The following PRKG2 variants were observed in gnomAD, a reference collection of about 807,000 sequenced individuals.
PRKG2 encodes protein kinase cGMP-dependent 2.
PRKG2 carries 33 observed loss-of-function variants against 97.2 expected under a neutral mutation model. That is an observed-to-expected ratio of 0.34 (90% CI 0.26 to 0.45). PRKG2 has a LOEUF of 0.45. Ranked by LOEUF, PRKG2 falls within the 20% of genes least tolerant of loss-of-function variation. PRKG2 has a pLI of 1.00. For missense variants in PRKG2, 638 were observed against 900.0 expected (o/e 0.71, Z 3.73); for synonymous variants, 330 against 321.8 (o/e 1.03, Z -0.27).
intron 14 of PRKG2, among the ~76,000 whole-genome samples, chr4:81,113,878 G>A (rs549182735): frequency 5.3e-5 from 8 of 152,208 alleles, no homozygotes; most frequent in South Asian, 2.1e-4. Flanking sequence ...TGCTACTAAC[G>A]TCCATCCACT....
At chr4:81,144,594 T>TTATA (rs61559089) in intron 9 of PRKG2, among the ~76,000 whole-genome samples, 2,042 of 131,280 alleles carry the variant, frequency 0.016, 65 homozygotes, top group African/African-American at 0.074. Flanking sequence ...GTATTTAAGG[T>TTATA]TATATATATA....
rs1746088989 is a variant in PRKG2, at chr4:81,130,717, TGGCTACG to T, written c.1776+4431_1776+4437del. Reference sequence around the variant, plus strand: ...AATGGAGGAATCTAGAGAGGCAGTCTGGCTACGGTGGTTTTGCTGAGCTGCAGCAGCC... The same window carrying T: ...AATGGAGGAATCTAGAGAGGCAGTCTGTGGTTTTGCTGAGCTGCAGCAGCC... On this transcript the variant is annotated intron_variant, in intron 14 of 18. Transcript: ENST00000264399. Among the ~76,000 whole-genome samples the T allele has an allele frequency of 2.0e-5, 3 of 152,316 alleles. No individual in the cohort carries two copies. The South Asian group carries it at 6.2e-4, about 32-fold the overall frequency.
intron 15 of PRKG2, among the ~76,000 whole-genome samples, chr4:81,109,633 TA>T (rs1743703095): frequency 6.6e-6 from 1 of 152,174 alleles, no homozygotes; most frequent in Non-Finnish European, 1.5e-5. Context: ...AAAATAATCA[TA>T]ATAAAAATGT....
rs981539755 is a variant in PRKG2 at position 81,180,296 on chromosome 4, A to T, written c.462-5337T>A. Among the ~76,000 whole-genome samples, 3 of 152,172 alleles carry T rather than the reference A, an allele frequency of 2.0e-5. No homozygotes were observed. In the East Asian group the frequency reaches 5.8e-4, roughly 29 times the overall value. ...TTAAGCCCAAATATTTTTTATTTAC[A>T]TTGGAGGTAAATATACCAAATACCC... On this transcript the variant is annotated intron_variant, in intron 2 of 18. Transcript: ENST00000264399.
At chr4:81,145,552 C>T (rs756385279) in intron 9 of PRKG2, among the ~76,000 whole-genome samples, 1 of 152,114 alleles carries the variant, frequency 6.6e-6, no homozygotes, top group Non-Finnish European at 1.5e-5. Context: ...TTCTCATAGG[C>T]CTGATCTAAT....
chr4:81,191,426 C>A (rs1204072137), intron 2 of PRKG2, among the ~76,000 whole-genome samples: 1 of 151,696 alleles, frequency 6.6e-6, no homozygotes, highest in East Asian at 1.9e-4. Flanking sequence ...TACACTGGGG[C>A]CTGTCAGGGG....
chr4:81,208,779 T>C (rs1753814037), intron 1 of PRKG2, among the ~76,000 whole-genome samples: 1 of 152,002 alleles, frequency 6.6e-6, no homozygotes, highest in African/African-American at 2.4e-5. Flanking sequence ...CTATCTTCCA[T>C]TGAGAAAAGA....
chr4:81,092,432 C>T lies in PRKG2; in HGVS notation c.2147G>A (p.Trp716Ter). 6.3e-7 allele frequency: 1 copy of T among 1,580,434 alleles called. No individual in the cohort carries two copies. The highest frequency in any genetic ancestry group is 8.6e-7 in the Non-Finnish European group (1 of 1,160,296). ...KKHRWLNGFN[W>*]EGLKARSLPS... ...AAGGCTCCGTGCTTTCAGTCCCTCC[C>T]AATTAAAACCATTTAACCACCTGAG... The change falls in exon 18 of 19, where the codon TGG becomes TAG. Residue 716 changes from tryptophan (W) to a stop codon, truncating the protein, a stop_gained. Coordinates refer to ENST00000264399, the MANE Select transcript of PRKG2 (RefSeq NM_006259.3). LOFTEE classifies it high-confidence loss of function.
intron 14 of PRKG2, among the ~76,000 whole-genome samples, chr4:81,133,816 T>A (rs1746395596): frequency 6.6e-6 from 1 of 151,994 alleles, no homozygotes; most frequent in South Asian, 2.1e-4. Context: ...AAAAAAAGCA[T>A]CTCTATGCCT....
chr4:81,189,350 T>C (rs1443282883), intron 2 of PRKG2, among the ~76,000 whole-genome samples: 3 of 130,330 alleles, frequency 2.3e-5, no homozygotes, highest in Non-Finnish European at 4.5e-5. Flanking sequence ...TATTGCTACA[T>C]CTTCAGAAAT....
chr4:81,169,407 T>C (rs1050952666), intron 5 of PRKG2, among the ~76,000 whole-genome samples: 8 of 152,198 alleles, frequency 5.3e-5, no homozygotes, highest in African/African-American at 1.9e-4. Flanking sequence ...CATTTTTCTA[T>C]GCTGTGCACT....
rs942893777 is a variant in PRKG2 at position 81,210,900 on chromosome 4, T to C, written c.-14+4036A>G. ...AGCAATATCAGCCAACAAGAAGACATGAAGGAACTTTAAATGCATATTGCT... is the reference window on the plus strand; with the variant it reads ...AGCAATATCAGCCAACAAGAAGACACGAAGGAACTTTAAATGCATATTGCT... On this transcript the variant is annotated intron_variant, in intron 1 of 18. Coordinates refer to ENST00000264399, the MANE Select transcript of PRKG2 (RefSeq NM_006259.3). Among the ~76,000 whole-genome samples, 11 of 152,192 alleles carry C rather than the reference T, an allele frequency of 7.2e-5. No individual in the cohort carries two copies. The East Asian group carries it at 7.7e-4, about 11-fold the overall frequency.
rs1348100383 is a variant in PRKG2, at chr4:81,089,645, T to G, written c.*63A>C. The G allele has an allele frequency of 9.3e-5, 113 of 1,214,738 alleles. No individual in the cohort carries two copies. In the East Asian group the frequency reaches 2.6e-3, roughly 28 times the overall value. The allele number at this position is 1,214,738 out of a possible 1,614,324, so 75.2% of individuals were successfully genotyped here. ...AATACTCTGAAAAGAAAATAATGTGTTGGATTATTGATCCTTGAGGTCCTC... is the reference window on the plus strand; with the variant it reads ...AATACTCTGAAAAGAAAATAATGTGGTGGATTATTGATCCTTGAGGTCCTC... On this transcript the variant is annotated 3_prime_UTR_variant, in exon 19 of 19. Coordinates refer to ENST00000264399, the MANE Select transcript of PRKG2 (RefSeq NM_006259.3).
chr4:81,163,863 T>TACACACACACACAC (rs5859761), intron 6 of PRKG2, among the ~76,000 whole-genome samples: 1 of 144,664 alleles, frequency 6.9e-6, no homozygotes, highest in East Asian at 2.0e-4. Flanking sequence ...AGATGTATAG[T>TACACACACACACAC]ACACACACAC....
At position 81,151,997 on chromosome 4, in the gene PRKG2, G is replaced by A; in HGVS notation, c.1048C>T (p.Gln350Ter). 6.2e-7 allele frequency: 1 copy of A among 1,613,084 alleles called. No homozygotes were observed. Among genetic ancestry groups the A allele is most frequent in the Non-Finnish European group, 8.5e-7 (1 of 1,179,436 alleles). The change falls in exon 8 of 19, where the codon CAG becomes TAG. Residue 350 changes from glutamine (Q) to a stop codon, truncating the protein, a stop_gained. Coordinates refer to ENST00000264399, the MANE Select transcript of PRKG2 (RefSeq NM_006259.3). LOFTEE classifies it high-confidence loss of function. ...HDQPQLIKTL[Q>*]KGEYFGEKAL... The stretch of plus-strand genomic sequence containing the variant: ...TTTTCTCCAAAGTATTCTCCTTTCT[G>A]CAGTGTTTTTATCAGCTGTGGTTGA...
intron 14 of PRKG2, among the ~76,000 whole-genome samples, chr4:81,134,508 C>G (rs1156477013): frequency 1.3e-5 from 2 of 152,168 alleles, no homozygotes; most frequent in Non-Finnish European, 2.9e-5. Context: ...TTGCTTTCTC[C>G]TCAGTTGTGA....
intron 14 of PRKG2, among the ~76,000 whole-genome samples, chr4:81,125,184 T>C (rs1413729853): frequency 6.6e-6 from 1 of 152,224 alleles, no homozygotes; most frequent in Non-Finnish European, 1.5e-5. Context: ...AGAAATAAAA[T>C]CCATATATTT....
intron 2 of PRKG2, 76 bp from the exon 3 acceptor site, chr4:81,175,035 A>G: frequency 7.6e-7 from 1 of 1,324,046 alleles, no homozygotes; most frequent in Non-Finnish European, 1.0e-6. Flanking sequence ...CTTTATTCTG[A>G]TTCTCAATAA....
At chr4:81,105,139 G>A (rs554812613) in intron 16 of PRKG2, among the ~76,000 whole-genome samples, 7 of 152,194 alleles carry the variant, frequency 4.6e-5, no homozygotes, top group African/African-American at 9.6e-5. Flanking sequence ...TTCGTTACGC[G>A]TATATAATGC....
Sources: gnomAD v4.1 joint callset for allele counts (sites outside exome capture counted in the v4.1 genomes callset) on GRCh38, gnomAD v4.1.1 for gene constraint, MANE v1.5 for transcripts, NCBI Gene and HGNC (gene_info 2026-07-23, HGNC 2026-07-21) for gene names.